DNAH5: variants seen among roughly 807,000 people sequenced by gnomAD.
The protein encoded by DNAH5 is axonemal beta dynein heavy chain 5.
DNAH5 carries 372 observed loss-of-function variants against 518.2 expected under a neutral mutation model. That is an observed-to-expected ratio of 0.72 (90% CI 0.66 to 0.78). The LOEUF (loss-of-function observed/expected upper bound fraction) is 0.78. DNAH5 is among the 30% of genes least tolerant of loss of function. The pLI is 0.00. For synonymous variants in DNAH5, 2,039 were observed against 2,025.9 expected (o/e 1.01, Z -0.17); for missense variants, 5,523 against 5,687.0 (o/e 0.97, Z 0.93).
chr5:13,795,274 A>C (rs1757650480), intron 47 of DNAH5, among the ~76,000 whole-genome samples: 1 of 152,208 alleles, frequency 6.6e-6, no homozygotes, highest in Non-Finnish European at 1.5e-5. Context: ...GGTTTTTTGA[A>C]AAGATCAACA....
At chr5:13,820,809 A>T (rs529675114) in intron 40 of DNAH5, among the ~76,000 whole-genome samples, 1 of 139,894 alleles carries the variant, frequency 7.1e-6, no homozygotes, top group East Asian at 2.1e-4. Flanking sequence ...TGGGCAACAG[A>T]GCAATACTCC....
At chr5:14,010,459 T>C (rs1405204703) in intron 1 of DNAH5, among the ~76,000 whole-genome samples, 1 of 152,172 alleles carries the variant, frequency 6.6e-6, no homozygotes, top group African/African-American at 2.4e-5. Flanking sequence ...TATGTAAGAT[T>C]GTATTATATA....
At chr5:13,793,150 T>C (rs1474276687) in intron 49 of DNAH5, among the ~76,000 whole-genome samples, 1 of 152,210 alleles carries the variant, frequency 6.6e-6, no homozygotes, top group Non-Finnish European at 1.5e-5. Flanking sequence ...ATAAGCTACA[T>C]AAACTTTCGA....
chr5:13,851,883 C>G (rs1766903794), intron 30 of DNAH5, among the ~76,000 whole-genome samples: 1 of 151,964 alleles, frequency 6.6e-6, no homozygotes, highest in African/African-American at 2.4e-5. Flanking sequence ...CCTGGCTCAT[C>G]TCATTGGGAC....
chr5:13,700,903 G>A (rs763330475), intron 77 of DNAH5, 32 bp from the exon 78 acceptor site: 1 of 1,604,424 alleles, frequency 6.2e-7, no homozygotes, highest in South Asian at 1.1e-5. Context: ...GAATGGAGCG[G>A]TTAGAGGTTT....
At chr5:13,810,681 G>A (rs1397026955) in intron 44 of DNAH5, among the ~76,000 whole-genome samples, 1 of 151,914 alleles carries the variant, frequency 6.6e-6, no homozygotes, top group Non-Finnish European at 1.5e-5. Context: ...GTGAACTTGG[G>A]AGGCGGAGCT....
intron 59 of DNAH5, among the ~76,000 whole-genome samples, chr5:13,765,444 A>G (rs538664499): frequency 6.6e-6 from 1 of 152,330 alleles, no homozygotes; most frequent in Admixed American, 6.5e-5. Flanking sequence ...AATTATCTGG[A>G]TAAAGGTAAG....
At chr5:13,699,704 ACT>A (rs1179189324) in intron 78 of DNAH5, among the ~76,000 whole-genome samples, 1 of 152,014 alleles carries the variant, frequency 6.6e-6, no homozygotes, top group African/African-American at 2.4e-5. Context: ...ACAGAACAAG[ACT>A]CTGTCTCATA....
chr5:13,784,495 G>A (rs1479043815), intron 52 of DNAH5, among the ~76,000 whole-genome samples: 1 of 152,144 alleles, frequency 6.6e-6, no homozygotes, highest in African/African-American at 2.4e-5. Flanking sequence ...CAGCCTCTCT[G>A]TCTTCCTCCC....
rs1467710784 is a variant in DNAH5, at chr5:13,830,649, A to AACCACGAC, written c.6001_6008dup (p.Phe2004SerfsTer53). 6.2e-7 allele frequency: 1 copy of AACCACGAC among 1,614,220 alleles called. No individual in the cohort carries two copies. The highest frequency in any genetic ancestry group is 8.5e-7 in the Non-Finnish European group (1 of 1,180,030). ...AATCCATCTGGTCTGAACAATTGAA[A>AACCACGAC]ACCACGACGTATTTCCCGAGGCATC... On this transcript the variant is annotated frameshift_variant, in exon 36 of 79. Transcript: ENST00000265104. LOFTEE classifies it high-confidence loss of function.
chr5:14,003,711 C>T (rs771879864), intron 1 of DNAH5, among the ~76,000 whole-genome samples: 1 of 152,196 alleles, frequency 6.6e-6, no homozygotes, highest in Non-Finnish European at 1.5e-5. Flanking sequence ...GTGGAAGTGA[C>T]GTCCAAGGCT....
At chr5:14,001,060 A>G (rs951979320) in intron 1 of DNAH5, among the ~76,000 whole-genome samples, 12 of 152,240 alleles carry the variant, frequency 7.9e-5, no homozygotes, top group Non-Finnish European at 1.8e-4. Context: ...CAAATATTGC[A>G]TGTTCTCACT....
Position 13,717,347 on chromosome 5 carries a change from G to C in DNAH5, c.12673C>G (p.Gln4225Glu), listed in dbSNP as rs1390701361. The change falls in exon 73 of 79, where the codon CAA becomes GAA. Residue 4225 changes from glutamine to glutamate, a missense_variant. Gln to Glu is a conservative substitution (Grantham distance 29). This residue lies in a region of DNAH5 where 5,121 missense variants were observed against 5,223.3 expected (regional missense o/e 0.98). Coordinates refer to ENST00000265104, the MANE Select transcript of DNAH5 (RefSeq NM_001369.3). ...ADFNATVQFI[Q>E]NHLDDMDVKK... ...ACATCCATGTCATCCAAGTGGTTTT[G>C]GATGAACTGCACAGTGGCATTAAAG... is the stretch of plus-strand genomic sequence containing the variant. 1 of 1,613,968 alleles carries C rather than the reference G, an allele frequency of 6.2e-7. No individual in the cohort carries two copies. Among genetic ancestry groups the C allele is most frequent in the Non-Finnish European group, 8.5e-7 (1 of 1,179,988 alleles).
At chr5:13,695,359 CT>C (rs1448389757) in intron 78 of DNAH5, among the ~76,000 whole-genome samples, 2 of 152,158 alleles carry the variant, frequency 1.3e-5, no homozygotes, top group Non-Finnish European at 2.9e-5. Context: ...AGGGCTCTCC[CT>C]GTGCCCTCCC....
Position 13,717,327 on chromosome 5 carries a change from C to T in DNAH5, c.12693G>A (p.Met4231Ile). 1.2e-6 allele frequency: 2 copies of T among 1,613,798 alleles called. No individual in the cohort carries two copies. Among genetic ancestry groups the T allele is most frequent in the Non-Finnish European group, 1.7e-6 (2 of 1,179,910 alleles). ...VQFIQNHLDD[M>I]DVKKGVSWTT... Reference sequence around the variant, plus strand: ...TGCGCGGCAGTACCTTTTTGACATCCATGTCATCCAAGTGGTTTTGGATGA... The same window carrying T: ...TGCGCGGCAGTACCTTTTTGACATCTATGTCATCCAAGTGGTTTTGGATGA... Residue 4231 changes from methionine (M) to isoleucine (I), a missense_variant, in exon 73 of 79, where the codon ATG (methionine) becomes ATA (isoleucine). By Grantham distance (10) the Met-to-Ile change is conservative (BLOSUM62 1). This residue lies in a region of DNAH5 where 5,121 missense variants were observed against 5,223.3 expected (regional missense o/e 0.98). Coordinates refer to ENST00000265104, the MANE Select transcript of DNAH5 (RefSeq NM_001369.3).
chr5:13,909,032 G>A (rs903370049), intron 12 of DNAH5, among the ~76,000 whole-genome samples: 2 of 152,198 alleles, frequency 1.3e-5, no homozygotes, highest in Admixed American at 6.5e-5. Context: ...ATAAAGAAGT[G>A]TAAGTCAAAG....
chr5:13,987,575 A>T (rs1783145071), intron 1 of DNAH5, among the ~76,000 whole-genome samples: 1 of 152,166 alleles, frequency 6.6e-6, no homozygotes, highest in Middle Eastern at 3.2e-3. Flanking sequence ...TAATCTTGCC[A>T]GGCACAGTGG....
At chr5:13,922,904 A>C (rs1424093279) in intron 4 of DNAH5, among the ~76,000 whole-genome samples, 5 of 152,130 alleles carry the variant, frequency 3.3e-5, no homozygotes, top group Admixed American at 3.3e-4. Context: ...AAACTTGTAC[A>C]GATGCATTTT....
At chr5:13,937,469 T>C (rs1159559658) in intron 1 of DNAH5, among the ~76,000 whole-genome samples, 1 of 151,342 alleles carries the variant, frequency 6.6e-6, no homozygotes, top group Non-Finnish European at 1.5e-5. Flanking sequence ...CCTCACCCCA[T>C]CTTCTACTCC....
Sources: allele counts gnomAD v4.1 joint callset (sites outside exome capture counted in the v4.1 genomes callset), GRCh38; gene constraint gnomAD v4.1.1; regional missense constraint gnomAD v4.1.1; transcripts MANE v1.5; gene names NCBI Gene and HGNC (gene_info 2026-07-23, HGNC 2026-07-21).